The following PMF1 variants were observed in gnomAD, a reference collection of about 807,000 sequenced individuals.
PMF1 encodes polyamine modulated factor 1.
A neutral mutation model predicts 26.7 loss-of-function variants in PMF1; 21 were observed. That is an observed-to-expected ratio of 0.79 (90% confidence interval 0.56 to 1.13). The LOEUF is 1.13. Ranked by LOEUF, PMF1 falls within the 50% of genes most tolerant of loss-of-function variation. The probability of loss-of-function intolerance (pLI) is 0.00; values close to 1 mark genes in which losing one functional copy is unlikely to be tolerated. For synonymous variants in PMF1, 105 were observed against 101.0 expected (o/e 1.04, Z -0.24); for missense variants, 266 against 254.9 (o/e 1.04, Z -0.30).
chr1:156,225,468 A>C, intron 1 of PMF1: 4 of 702,718 alleles, frequency 5.7e-6, no homozygotes, highest in Non-Finnish European at 1.0e-5. Flanking sequence ...CTTTCCCCAC[A>C]GTTGGCAAAG....
intron 4 of PMF1, among the ~76,000 whole-genome samples, chr1:156,238,882 G>GC (rs35970509): frequency 0.77 from 113,943 of 148,378 alleles, 43,926 homozygotes; most frequent in African/African-American, 0.85. Context: ...GGTGACAAAG[G>GC]CCCCCCCCCC....
At chr1:156,228,264 T>A (rs1032167380) in intron 1 of PMF1, among the ~76,000 whole-genome samples, 2 of 139,338 alleles carry the variant, frequency 1.4e-5, no homozygotes, top group African/African-American at 5.5e-5. Context: ...CGATTTTTTT[T>A]TTTTTTTTTT....
chr1:156,216,863 T>G (rs1406409589), intron 1 of PMF1, among the ~76,000 whole-genome samples: 1 of 151,928 alleles, frequency 6.6e-6, no homozygotes, highest in Non-Finnish European at 1.5e-5. Context: ...CCCGGGGGGC[T>G]CTAATGTGGC....
At chr1:156,235,615 G>C (rs1658968603) in intron 3 of PMF1, among the ~76,000 whole-genome samples, 1 of 151,214 alleles carries the variant, frequency 6.6e-6, no homozygotes, top group Non-Finnish European at 1.5e-5. Context: ...CTAATTTTTT[G>C]TATTTCTAGT....
At chr1:156,224,359 C>A (rs758972503) in intron 1 of PMF1, among the ~76,000 whole-genome samples, 9 of 152,216 alleles carry the variant, frequency 5.9e-5, no homozygotes, top group Non-Finnish European at 1.2e-4. Flanking sequence ...CACAGTCACT[C>A]TACTGTACAA....
chr1:156,224,107 A>G (rs1490363436), intron 1 of PMF1, among the ~76,000 whole-genome samples: 2 of 152,192 alleles, frequency 1.3e-5, no homozygotes, highest in Non-Finnish European at 2.9e-5. Flanking sequence ...CTAAACAATA[A>G]AAGACTAAAT....
intron 1 of PMF1, chr1:156,225,728 C>T (rs1658339363): frequency 5.0e-6 from 4 of 800,006 alleles, no homozygotes; most frequent in Non-Finnish European, 8.3e-6. Flanking sequence ...TATTGTGTTA[C>T]CCTCTTTTAT....
chr1:156,234,077 T>TA (rs1291499975), intron 3 of PMF1, among the ~76,000 whole-genome samples: 2 of 152,140 alleles, frequency 1.3e-5, no homozygotes, highest in African/African-American at 4.8e-5. Context: ...ACCCTGTCTC[T>TA]AAAAAAAACT....
At chr1:156,231,413 T>C (rs959026478) in intron 1 of PMF1, among the ~76,000 whole-genome samples, 1 of 147,098 alleles carries the variant, frequency 6.8e-6, no homozygotes, top group African/African-American at 2.5e-5. Context: ...AAAAGAAAAG[T>C]AGAAAATCAG....
intron 3 of PMF1, 53 bp downstream of exon 3, chr1:156,233,781 C>CA: frequency 3.2e-6 from 4 of 1,260,274 alleles, no homozygotes; most frequent in Admixed American, 2.4e-5. Context: ...AGCAATTAAG[C>CA]TTTTTTTTTT....
chr1:156,236,207 G>A (rs1384160222), intron 3 of PMF1, 81 bp from the exon 4 acceptor site: 12 of 1,534,964 alleles, frequency 7.8e-6, no homozygotes, highest in East Asian at 2.3e-5. Flanking sequence ...GCATGTCACC[G>A]AGTGTGGGCT....
chr1:156,227,254 A>G (rs1171647457), intron 1 of PMF1, among the ~76,000 whole-genome samples: 1 of 152,068 alleles, frequency 6.6e-6, no homozygotes, highest in African/African-American at 2.4e-5. Flanking sequence ...CTGTAATCCC[A>G]GCACTTTGGA....
chr1:156,217,216 TA>T (rs1657809694), intron 1 of PMF1, among the ~76,000 whole-genome samples: 1 of 116,712 alleles, frequency 8.6e-6, no homozygotes, highest in South Asian at 2.6e-4. Flanking sequence ...ACATGTACCC[TA>T]AAACTTAAAG....
At chr1:156,236,071 G>A (rs758444881) in intron 3 of PMF1, among the ~76,000 whole-genome samples, 4 of 152,226 alleles carry the variant, frequency 2.6e-5, no homozygotes, top group Non-Finnish European at 4.4e-5. Flanking sequence ...AGAAGGGGGA[G>A]AGGTGGACCC....
At chr1:156,216,085 T>A (rs953259182) in intron 1 of PMF1, among the ~76,000 whole-genome samples, 45 of 151,842 alleles carry the variant, frequency 3.0e-4, no homozygotes, top group African/African-American at 1.0e-3. Context: ...GACATTCTGG[T>A]ACCATTAAAA....
At chr1:156,228,656 C>T (rs1658523458) in intron 1 of PMF1, among the ~76,000 whole-genome samples, 1 of 152,140 alleles carries the variant, frequency 6.6e-6, no homozygotes, top group Admixed American at 6.5e-5. Context: ...ATGCGTCCAG[C>T]TCAGACCCTC....
At position 156,215,745 on chromosome 1, in the gene PMF1, A is replaced by G. The variant is rs1458604623; in HGVS notation, c.161+2569A>G. 2.6e-5 allele frequency among the ~76,000 whole-genome samples: 4 copies of G among 151,982 alleles called. No individual in the cohort carries two copies. The South Asian group carries it at 8.3e-4, about 32-fold the overall frequency. On this transcript the variant is annotated intron_variant, in intron 1 of 4. Coordinates refer to ENST00000368277, the MANE Select transcript of PMF1 (RefSeq NM_007221.4). Reference sequence around the variant, plus strand: ...GCTCTGTTGCTCAGGTTGGAGTGTAATGGCACAATCTAGGCTCACTGCAAC... The same window carrying G: ...GCTCTGTTGCTCAGGTTGGAGTGTAGTGGCACAATCTAGGCTCACTGCAAC...
intron 3 of PMF1, among the ~76,000 whole-genome samples, chr1:156,235,481 T>A (rs1442750240): frequency 7.9e-6 from 1 of 126,370 alleles, no homozygotes; most frequent in Non-Finnish European, 1.6e-5. Context: ...TCGCTCTGTC[T>A]CTCAGGCTGG....
intron 4 of PMF1, among the ~76,000 whole-genome samples, chr1:156,238,962 G>A (rs1328727159): frequency 6.6e-6 from 1 of 152,010 alleles, no homozygotes; most frequent in Non-Finnish European, 1.5e-5. Context: ...CCCCTGCTGA[G>A]TCCTCAGGCA....
Sources: allele counts gnomAD v4.1 joint callset (sites outside exome capture counted in the v4.1 genomes callset), GRCh38; gene constraint gnomAD v4.1.1; transcripts MANE v1.5; gene names NCBI Gene and HGNC (gene_info 2026-07-23, HGNC 2026-07-21).